The following TSPAN13 variants were observed in gnomAD, a reference collection of about 807,000 sequenced individuals.
The protein encoded by TSPAN13 is tetraspanin 13, also known as tetraspanin-13.
Under a neutral mutation model 26.9 loss-of-function variants are expected in TSPAN13, and 18 were observed. The ratio of observed to expected loss-of-function variants is 0.67; its 90% CI spans 0.46 to 0.99. The LOEUF (loss-of-function observed/expected upper bound fraction) is 0.99. TSPAN13 is among the 50% of genes least tolerant of loss of function. TSPAN13 has a pLI of 0.00. For missense variants in TSPAN13, 201 were observed against 249.6 expected (o/e 0.81, Z 1.31); for synonymous variants, 116 against 98.4 (o/e 1.18, Z -1.06).
intron 5 of TSPAN13, among the ~76,000 whole-genome samples, chr7:16,780,046 C>T (rs542787184): frequency 6.6e-6 from 1 of 152,126 alleles, no homozygotes; most frequent in South Asian, 2.1e-4. Context: ...GCTGGGATTA[C>T]AGGCATGAGC....
intron 1 of TSPAN13, among the ~76,000 whole-genome samples, chr7:16,759,589 T>G (rs965568058): frequency 1.3e-5 from 2 of 151,968 alleles, no homozygotes; most frequent in Non-Finnish European, 2.9e-5. Context: ...TCAAAAGGCC[T>G]AAAGGAGATG....
chr7:16,758,521 A>G (rs570397159), intron 1 of TSPAN13, among the ~76,000 whole-genome samples: 1 of 152,362 alleles, frequency 6.6e-6, no homozygotes, highest in African/African-American at 2.4e-5. Flanking sequence ...TGCTGAATTT[A>G]TAGACTTGGC....
At chr7:16,780,485 T>C (rs1454991558) in intron 5 of TSPAN13, among the ~76,000 whole-genome samples, 4 of 152,210 alleles carry the variant, frequency 2.6e-5, no homozygotes, top group Non-Finnish European at 2.9e-5. Flanking sequence ...AAAAGAGCTA[T>C]CTGACTTGTG....
At chr7:16,774,697 G>GAA in intron 1 of TSPAN13, among the ~76,000 whole-genome samples, 1 of 152,264 alleles carries the variant, frequency 6.6e-6, no homozygotes, top group East Asian at 1.9e-4. Flanking sequence ...CAAAATTTGT[G>GAA]AAAATTTTTG....
At chr7:16,770,270 A>G (rs909578749) in intron 1 of TSPAN13, among the ~76,000 whole-genome samples, 2 of 151,956 alleles carry the variant, frequency 1.3e-5, no homozygotes, top group African/African-American at 4.8e-5. Context: ...CAGTGGCACA[A>G]TCTCGGCTCA....
chr7:16,783,305 A>G, intron 5 of TSPAN13, 112 bp from the exon 6 acceptor site: 6 of 1,055,956 alleles, frequency 5.7e-6, no homozygotes, highest in Non-Finnish European at 6.9e-6. Flanking sequence ...CCCGTTGAAC[A>G]AAAGATGCAA....
intron 1 of TSPAN13, among the ~76,000 whole-genome samples, chr7:16,771,032 G>A (rs559975633): frequency 3.3e-5 from 5 of 152,280 alleles, no homozygotes; most frequent in African/African-American, 1.2e-4. Context: ...AGTTATGCAA[G>A]GGTCTCAGTT....
At chr7:16,764,274 G>A (rs374374783) in intron 1 of TSPAN13, among the ~76,000 whole-genome samples, 2 of 151,504 alleles carry the variant, frequency 1.3e-5, no homozygotes, top group East Asian at 1.9e-4. Flanking sequence ...TGATCTGCCC[G>A]CCTTGGCCTC....
chr7:16,768,959 C>T (rs575629175), intron 1 of TSPAN13, among the ~76,000 whole-genome samples: 1 of 152,194 alleles, frequency 6.6e-6, no homozygotes, highest in East Asian at 1.9e-4. Flanking sequence ...TCACTGCAAA[C>T]TCTGCCTCCT....
At chr7:16,779,231 A>G in intron 5 of TSPAN13, 115 bp downstream of exon 5, 1 of 695,752 alleles carries the variant, frequency 1.4e-6, no homozygotes, top group Non-Finnish European at 2.3e-6. Context: ...TAGCACTGTA[A>G]AAAGAGGAAA....
At chr7:16,754,173 C>T in intron 1 of TSPAN13, 143 bp downstream of exon 1, 1 of 847,424 alleles carries the variant, frequency 1.2e-6, no homozygotes, top group Non-Finnish European at 1.9e-6. Context: ...CCCCCGGCCT[C>T]ACCATCCGTC....
intron 1 of TSPAN13, among the ~76,000 whole-genome samples, chr7:16,754,848 T>G (rs940484657): frequency 1.3e-5 from 2 of 152,188 alleles, no homozygotes; most frequent in Non-Finnish European, 2.9e-5. Flanking sequence ...GATCGACATT[T>G]ATTGAATGCC....
At chr7:16,767,815 A>C (rs1009791137) in intron 1 of TSPAN13, among the ~76,000 whole-genome samples, 1 of 152,096 alleles carries the variant, frequency 6.6e-6, no homozygotes, top group African/African-American at 2.4e-5. Flanking sequence ...TTGGCCTTTC[A>C]AATTCTTCTT....
intron 1 of TSPAN13, among the ~76,000 whole-genome samples, chr7:16,771,811 C>T (rs1373034005): frequency 6.6e-6 from 1 of 152,130 alleles, no homozygotes. Flanking sequence ...TAGAGGACTG[C>T]CTGGTAGTGG....
intron 1 of TSPAN13, among the ~76,000 whole-genome samples, chr7:16,757,200 G>T (rs1315189163): frequency 1.3e-5 from 2 of 152,112 alleles, no homozygotes; most frequent in African/African-American, 4.8e-5. Context: ...GAATAAAGGA[G>T]GTGTGATTGA....
rs375189048 is a variant in TSPAN13, at chr7:16,779,020, C to T, written c.444C>T (p.Asp148=). ...TGGTGCAGAGCTGTGTTAAAAGTGA[C>T]CACTCGTGCTCGCCATGTGCTCCAA... ...DTCLASCVKS[D]HSCSPCAPII... The change falls in exon 5 of 6, where the codon GAC becomes GAT. Residue 148 remains aspartate, a synonymous_variant. Coordinates refer to ENST00000262067, the MANE Select transcript of TSPAN13 (RefSeq NM_014399.4). 1.6e-4 allele frequency: 260 copies of T among 1,612,678 alleles called. No homozygotes were observed. The highest frequency in any genetic ancestry group is 2.2e-4 in the Non-Finnish European group (259 of 1,179,506).
chr7:16,757,187 G>A (rs1784489297), intron 1 of TSPAN13, among the ~76,000 whole-genome samples: 1 of 152,118 alleles, frequency 6.6e-6, no homozygotes, highest in Admixed American at 6.5e-5. Flanking sequence ...AGAGAAGTTG[G>A]GGGAATAAAG....
At chr7:16,767,816 A>G (rs2115328264) in intron 1 of TSPAN13, among the ~76,000 whole-genome samples, 1 of 152,126 alleles carries the variant, frequency 6.6e-6, no homozygotes, top group African/African-American at 2.4e-5. Context: ...TGGCCTTTCA[A>G]ATTCTTCTTC....
chr7:16,774,028 C>T (rs1784712220), intron 1 of TSPAN13, among the ~76,000 whole-genome samples: 1 of 152,238 alleles, frequency 6.6e-6, no homozygotes, highest in African/African-American at 2.4e-5. Context: ...ATGTGACTAA[C>T]ATTTACAATC....
Sources: gnomAD v4.1 joint callset for allele counts (sites outside exome capture counted in the v4.1 genomes callset) on GRCh38, gnomAD v4.1.1 for gene constraint, MANE v1.5 for transcripts, NCBI Gene and HGNC (gene_info 2026-07-23, HGNC 2026-07-21) for gene names.